UBQLN1: variants seen among roughly 807,000 people sequenced by gnomAD.
UBQLN1 encodes ubiquilin 1.
A neutral mutation model predicts 65.4 loss-of-function variants in UBQLN1; 13 were observed. The observed-to-expected ratio is 0.20, with a 90% confidence interval of 0.13 to 0.32. The LOEUF is 0.32. UBQLN1 is among the 10% of genes least tolerant of loss of function. The pLI is 1.00. For missense variants in UBQLN1, 561 were observed against 724.0 expected, an observed-to-expected ratio of 0.77 and a Z score of 2.58; for synonymous variants, 267 against 247.8, an observed-to-expected ratio of 1.08 and a Z score of -0.73.
chr9:83,696,265 T>A (rs560653148), intron 1 of UBQLN1, among the ~76,000 whole-genome samples: 10 of 152,330 alleles, frequency 6.6e-5, no homozygotes, highest in African/African-American at 2.4e-4. Flanking sequence ...TAAATCAAGC[T>A]AATATATCTA....
chr9:83,675,496 A>G, intron 6 of UBQLN1, among the ~76,000 whole-genome samples: 1 of 152,146 alleles, frequency 6.6e-6, no homozygotes, highest in East Asian at 1.9e-4. Context: ...ACAAGAAGCA[A>G]GACCTCCATT....
chr9:83,700,132 A>G (rs939267078), intron 1 of UBQLN1, among the ~76,000 whole-genome samples: 1 of 152,230 alleles, frequency 6.6e-6, no homozygotes, highest in Admixed American at 6.5e-5. Context: ...CCATCTTTGA[A>G]AAGAAATGGA....
intron 6 of UBQLN1, among the ~76,000 whole-genome samples, chr9:83,673,546 T>TAAAAAA (rs762494390): frequency 1.5e-4 from 11 of 75,546 alleles, no homozygotes; most frequent in South Asian, 1.4e-3. Flanking sequence ...CTCGGTCTTT[T>TAAAAAA]AAAAAAAAAA....
At chr9:83,682,202 T>C (rs1831952079) in intron 3 of UBQLN1, among the ~76,000 whole-genome samples, 1 of 151,984 alleles carries the variant, frequency 6.6e-6, no homozygotes, top group Non-Finnish European at 1.5e-5. Context: ...GAAGAATCGC[T>C]TGAACCCAGG....
chr9:83,676,082 T>C (rs1831827314), intron 6 of UBQLN1, among the ~76,000 whole-genome samples: 1 of 152,212 alleles, frequency 6.6e-6, no homozygotes, highest in African/African-American at 2.4e-5. Flanking sequence ...AACACTTCCT[T>C]ACATTCTAGA....
intron 3 of UBQLN1, among the ~76,000 whole-genome samples, chr9:83,682,521 G>A (rs555934185): frequency 7.2e-4 from 109 of 151,910 alleles, no homozygotes; most frequent in Admixed American, 2.5e-3. Flanking sequence ...ACTAATATAA[G>A]AAAAACAAAA....
chr9:83,699,419 G>GA (rs1832274801), intron 1 of UBQLN1, among the ~76,000 whole-genome samples: 1 of 152,164 alleles, frequency 6.6e-6, no homozygotes, highest in South Asian at 2.1e-4. Flanking sequence ...ATAGCTCAGT[G>GA]TAACCTCCAA....
In UBQLN1 at chr9:83,677,798, G is replaced by T; in HGVS notation, c.1034C>A (p.Thr345Asn). The part of the protein sequence containing the change: ...SSGTASTVGG[T>N]TGSTASGTSG... ...AGTGCCACTGGCAGTACTACCAGTA[G>T]TGCCACCCACAGTGCTGGCAGTGCC... Residue 345 changes from threonine to asparagine, a missense_variant, in exon 6 of 11, where the codon ACT (threonine) becomes AAT (asparagine). Around this residue, in one of 8 missense-constraint regions of UBQLN1, gnomAD observed 89 missense variants for 77.8 expected, o/e 1.14. Transcript: ENST00000376395. 1 of 1,614,178 alleles carries T rather than the reference G, an allele frequency of 6.2e-7. No individual in the cohort carries two copies. Among genetic ancestry groups the T allele is most frequent in the South Asian group, 1.1e-5 (1 of 91,084 alleles).
intron 3 of UBQLN1, 59 bp from the exon 4 acceptor site, chr9:83,680,096 G>C: frequency 1.3e-6 from 2 of 1,523,308 alleles, no homozygotes; most frequent in Non-Finnish European, 1.8e-6. Flanking sequence ...TCATTAACAT[G>C]ACATAAAATA....
intron 1 of UBQLN1, among the ~76,000 whole-genome samples, chr9:83,687,763 C>G (rs1832063432): frequency 6.6e-6 from 1 of 152,010 alleles, no homozygotes; most frequent in Non-Finnish European, 1.5e-5. Flanking sequence ...CAATTTACAA[C>G]AGCCAATATA....
At chr9:83,697,328 G>A (rs1291443214) in intron 1 of UBQLN1, among the ~76,000 whole-genome samples, 1 of 149,866 alleles carries the variant, frequency 6.7e-6, no homozygotes, top group Non-Finnish European at 1.5e-5. Context: ...AAAGGCAGGC[G>A]AATCATGAGG....
At position 83,686,976 on chromosome 9, in the gene UBQLN1, T is replaced by A. The variant is rs536731433; in HGVS notation, c.181-821A>T. 1.7e-3 allele frequency among the ~76,000 whole-genome samples: 250 copies of A among 144,772 alleles called. 4 individuals are homozygous for A. Among genetic ancestry groups the A allele is most frequent in the South Asian group, 9.2e-3 (42 of 4,584 alleles). The allele number at this position is 144,772 out of a possible 152,430, so 95.0% of individuals were successfully genotyped here. A position where few individuals can be genotyped will look rare whatever the true frequency, so the allele number is the denominator to read the frequency against. The stretch of plus-strand genomic sequence containing the variant: ...ACTTCTGGTCCCAAGTCTGTCTGTT[T>A]AAAAAAAAAAAAAGTTTTTGGATAA... On this transcript the variant is annotated intron_variant, in intron 1 of 10. Transcript: ENST00000376395.
chr9:83,667,759 T>C (rs17086543), intron 7 of UBQLN1: 15,088 of 976,644 alleles, frequency 0.015, 121 homozygotes, highest in Non-Finnish European at 0.017. Flanking sequence ...TGAGTGCTTA[T>C]ACCACAAGTT....
chr9:83,697,792 G>A (rs1369677605), intron 1 of UBQLN1, among the ~76,000 whole-genome samples: 3 of 137,940 alleles, frequency 2.2e-5, no homozygotes, highest in African/African-American at 5.6e-5. Context: ...GCTGGAGTGC[G>A]ATGGCACGAT....
chr9:83,695,072 G>A (rs1178469434), intron 1 of UBQLN1, among the ~76,000 whole-genome samples: 1 of 151,938 alleles, frequency 6.6e-6, no homozygotes, highest in Non-Finnish European at 1.5e-5. Flanking sequence ...GAAAATTGTG[G>A]GTGGTTGACC....
At chr9:83,664,357 T>A (rs993426405) in intron 9 of UBQLN1, among the ~76,000 whole-genome samples, 1 of 152,130 alleles carries the variant, frequency 6.6e-6, no homozygotes, top group African/African-American at 2.4e-5. Context: ...AGGTAGAGGC[T>A]GAAGTGAGCT....
intron 8 of UBQLN1, among the ~76,000 whole-genome samples, chr9:83,665,835 G>A (rs1296803255): frequency 1.3e-5 from 2 of 152,022 alleles, no homozygotes; most frequent in Admixed American, 6.6e-5. Flanking sequence ...TCAAGTACTC[G>A]TTTATACTAT....
chr9:83,666,358 G>A lies in UBQLN1; in HGVS notation c.1324C>T (p.Leu442Phe), dbSNP rs768054934. The A allele has an allele frequency of 1.9e-6, 3 of 1,613,734 alleles. No individual in the cohort carries two copies. Among genetic ancestry groups the A allele is most frequent in the Admixed American group, 3.3e-5 (2 of 60,024 alleles). The change falls in exon 8 of 11, where the codon CTC (leucine) becomes TTC (phenylalanine). Residue 442 changes from leucine to phenylalanine, a missense_variant. By Grantham distance (22) the Leu-to-Phe change is conservative. This residue lies in a region of UBQLN1 where 102 missense variants were observed against 150.7 expected (regional missense o/e 0.68). Transcript: ENST00000376395. Reference sequence around the variant, plus strand: ...CATCTTGTCTTACTCACTTGTTGGAGGAAAGTTGGGAGCTGTTGTCTCATT... The same window carrying A: ...CATCTTGTCTTACTCACTTGTTGGAAGAAAGTTGGGAGCTGTTGTCTCATT... Reference protein sequence around the residue: ...EQMRQQLPTFLQQMQNPDTLS... With the variant: ...EQMRQQLPTFFQQMQNPDTLS...
rs188458319 is a variant in UBQLN1 at position 83,696,620 on chromosome 9, T to C, written c.181-10465A>G. On this transcript the variant is annotated intron_variant, in intron 1 of 10. Transcript: ENST00000376395. The stretch of plus-strand genomic sequence containing the variant: ...CACTACTGCACTTCAGGTTGGGTGA[T>C]AGAACAAGATTCTGTCTAAAAAAGG... Among the ~76,000 whole-genome samples the C allele has an allele frequency of 5.0e-4, 73 of 145,612 alleles. 1 individual carries two copies. The highest frequency in any genetic ancestry group is 1.3e-3 in the African/African-American group (53 of 39,276).
Sources: allele counts gnomAD v4.1 joint callset (sites outside exome capture counted in the v4.1 genomes callset), GRCh38; gene constraint gnomAD v4.1.1; regional missense constraint gnomAD v4.1.1; transcripts MANE v1.5; gene names NCBI Gene and HGNC (gene_info 2026-07-23, HGNC 2026-07-21).